RGS7: variants seen among roughly 807,000 people sequenced by gnomAD.
RGS7 encodes the protein regulator of G-protein signaling 7.
In RGS7, 27 loss-of-function variants were observed where a neutral mutation model predicts 81.1. That is an observed-to-expected ratio of 0.33 (90% CI 0.25 to 0.46). The LOEUF (loss-of-function observed/expected upper bound fraction) is 0.46, where lower values mean the gene tolerates loss of function less well. RGS7 is among the 20% of genes least tolerant of loss of function. The pLI is 1.00. For missense variants in RGS7, 396 were observed against 607.4 expected (o/e 0.65, Z 3.66); for synonymous variants, 208 against 207.7 (o/e 1.00, Z -0.01).
chr1:240,989,585 C>G (rs967146393), intron 3 of RGS7, among the ~76,000 whole-genome samples: 1 of 152,062 alleles, frequency 6.6e-6, no homozygotes, highest in Non-Finnish European at 1.5e-5. Context: ...TACTGAGACA[C>G]CCCATGGTTC....
intron 9 of RGS7, among the ~76,000 whole-genome samples, chr1:240,829,513 C>T (rs1693439499): frequency 6.6e-6 from 1 of 152,176 alleles, no homozygotes; most frequent in South Asian, 2.1e-4. Context: ...GTTTTTAAAA[C>T]ATTAAAGGAT....
chr1:241,037,141 T>A (rs1307813679), intron 3 of RGS7, among the ~76,000 whole-genome samples: 2 of 152,212 alleles, frequency 1.3e-5, no homozygotes, highest in African/African-American at 4.8e-5. Context: ...AGTGGAATGT[T>A]GCTCTAATAA....
chr1:240,897,002 C>A (rs1400920448), intron 6 of RGS7, among the ~76,000 whole-genome samples: 2 of 152,162 alleles, frequency 1.3e-5, no homozygotes, highest in Admixed American at 1.3e-4. Context: ...TCCTTCACAT[C>A]CCTTGTAAGT....
intron 2 of RGS7, among the ~76,000 whole-genome samples, chr1:241,131,136 ACT>A (rs2067060419): frequency 6.6e-6 from 1 of 151,890 alleles, no homozygotes; most frequent in Admixed American, 6.6e-5. Context: ...ATTAGACTTT[ACT>A]CTCTGTACCT....
Position 240,952,203 on chromosome 1 carries a change from C to T in RGS7, c.227-15497G>A, listed in dbSNP as rs1679677383. 3.3e-5 allele frequency among the ~76,000 whole-genome samples: 5 copies of T among 151,988 alleles called. No homozygotes were observed. The South Asian group carries it at 8.3e-4, about 25-fold the overall frequency. ...TCTACATACATAAAGAAAGAAAGAA[C>T]ATCAGGGAAGAAATAAAGGTAAAAC... On this transcript the variant is annotated intron_variant, in intron 4 of 18. Transcript: ENST00000440928.
At chr1:240,995,996 CAT>C (rs1161725846) in intron 3 of RGS7, among the ~76,000 whole-genome samples, 4 of 151,328 alleles carry the variant, frequency 2.6e-5, no homozygotes, top group Non-Finnish European at 5.9e-5. Flanking sequence ...CACAAATTGA[CAT>C]GTTACATTTT....
intron 2 of RGS7, among the ~76,000 whole-genome samples, chr1:241,200,919 C>A (rs942588090): frequency 7.9e-5 from 12 of 152,156 alleles, no homozygotes; most frequent in Non-Finnish European, 1.5e-4. Context: ...AAATCCAACC[C>A]TAATTTTTCT....
At chr1:240,821,330 T>C (rs762065089) in intron 10 of RGS7, among the ~76,000 whole-genome samples, 2 of 152,144 alleles carry the variant, frequency 1.3e-5, no homozygotes, top group Non-Finnish European at 2.9e-5. Flanking sequence ...CACATGCCTG[T>C]AGTCCCAGCT....
At chr1:241,334,642 A>G (rs898786358) in intron 2 of RGS7, among the ~76,000 whole-genome samples, 3 of 152,218 alleles carry the variant, frequency 2.0e-5, no homozygotes, top group African/African-American at 7.2e-5. Context: ...TAACCACTCA[A>G]TTCATGAAGT....
chr1:240,971,713 A>G (rs376568766), intron 4 of RGS7, among the ~76,000 whole-genome samples: 2 of 152,226 alleles, frequency 1.3e-5, no homozygotes, highest in South Asian at 2.1e-4. Context: ...GCTCCAAACT[A>G]TGACTTCTTG....
At chr1:240,898,994 T>C (rs1669540191) in intron 6 of RGS7, among the ~76,000 whole-genome samples, 1 of 152,230 alleles carries the variant, frequency 6.6e-6, no homozygotes, top group Admixed American at 6.5e-5. Flanking sequence ...ATATTTAGGA[T>C]AGTTAGCTCT....
At chr1:241,090,032 C>T (rs1342478523) in intron 3 of RGS7, among the ~76,000 whole-genome samples, 1 of 146,520 alleles carries the variant, frequency 6.8e-6, no homozygotes, top group African/African-American at 2.5e-5. Flanking sequence ...AACAGGAAAA[C>T]TTTTTTTCTT....
chr1:240,996,001 T>A (rs566892913), intron 3 of RGS7, among the ~76,000 whole-genome samples: 4 of 150,838 alleles, frequency 2.7e-5, no homozygotes, highest in Non-Finnish European at 5.9e-5. Flanking sequence ...ATTGACATGT[T>A]ACATTTTATT....
At chr1:240,886,872 C>A (rs903286020) in intron 6 of RGS7, among the ~76,000 whole-genome samples, 1 of 152,208 alleles carries the variant, frequency 6.6e-6, no homozygotes, top group Non-Finnish European at 1.5e-5. Flanking sequence ...CACAGATATT[C>A]TAGAACATGC....
chr1:241,216,000 G>A (rs1019902664), intron 2 of RGS7, among the ~76,000 whole-genome samples: 13 of 152,294 alleles, frequency 8.5e-5, no homozygotes, highest in African/African-American at 2.6e-4. Flanking sequence ...GGCCGGGCGC[G>A]GTGGCTCACG....
chr1:240,910,026 G>C (rs953176465), intron 6 of RGS7, among the ~76,000 whole-genome samples: 2 of 152,038 alleles, frequency 1.3e-5, no homozygotes, highest in Non-Finnish European at 2.9e-5. Context: ...TGTCCCTTCT[G>C]TTTGTGGTTC....
chr1:240,801,911 TA>T (rs1688084260), intron 16 of RGS7, among the ~76,000 whole-genome samples: 2 of 152,184 alleles, frequency 1.3e-5, no homozygotes. Flanking sequence ...CATAGAGCAT[TA>T]ATGTCTAATA....
rs143877031 is a variant in RGS7, at chr1:241,352,913, T to C, written c.78+2786A>G. 2.6e-5 allele frequency among the ~76,000 whole-genome samples: 4 copies of C among 152,366 alleles called. No homozygotes were observed. The East Asian group carries it at 5.8e-4, about 22-fold the overall frequency. On this transcript the variant is annotated intron_variant, in intron 2 of 18. Coordinates refer to ENST00000440928, the MANE Select transcript of RGS7 (RefSeq NM_001364886.1). ...ATGAAGATAAAATGGAAACAGCACA[T>C]ACATATCTTGAGTGTGTGTAAATCA... is the stretch of plus-strand genomic sequence containing the variant.
At position 241,132,738 on chromosome 1, in the gene RGS7, A is replaced by AT. The variant is rs1553265441; in HGVS notation, c.79-33977dup. Among the ~76,000 whole-genome samples the AT allele has an allele frequency of 1.3e-4, 18 of 142,664 alleles. No homozygotes were observed. The East Asian group carries it at 2.9e-3, about 23-fold the overall frequency. The allele number at this position is 142,664 out of a possible 152,430, so 93.6% of individuals were successfully genotyped here. A position where few individuals can be genotyped will look rare whatever the true frequency, so the allele number is the denominator to read the frequency against. The stretch of plus-strand genomic sequence containing the variant: ...TTAAGGTCTGTCAATAATTCAACTT[A>AT]TTATTTGTTTGTTTGTTTGTTTGTT... On this transcript the variant is annotated intron_variant, in intron 2 of 18. Coordinates refer to ENST00000440928, the MANE Select transcript of RGS7 (RefSeq NM_001364886.1).
Sources: allele counts gnomAD v4.1 joint callset (sites outside exome capture counted in the v4.1 genomes callset), GRCh38; gene constraint gnomAD v4.1.1; transcripts MANE v1.5; gene names NCBI Gene and HGNC (gene_info 2026-07-23, HGNC 2026-07-21).